TSC22D3: variants seen among roughly 807,000 people sequenced by gnomAD.
TSC22D3 encodes TSC22 domain family protein 3.
In TSC22D3, 4 loss-of-function variants were observed where a neutral mutation model predicts 11.1. The observed-to-expected ratio is 0.36, with a 90% CI of 0.18 to 0.83. TSC22D3 has a LOEUF of 0.83. Ranked by LOEUF, TSC22D3 falls within the 40% of genes least tolerant of loss-of-function variation. The probability of loss-of-function intolerance (pLI) is 0.48; values close to 1 mark genes in which losing one functional copy is unlikely to be tolerated. For missense variants in TSC22D3, 118 were observed against 159.4 expected (o/e 0.74, Z 1.40); for synonymous variants, 77 against 70.3 (o/e 1.10, Z -0.48).
intron 1 of TSC22D3, among the ~76,000 whole-genome samples, chrX:107,766,336 C>T (rs976161047): frequency 6.3e-5 from 7 of 111,366 alleles, no homozygotes; most frequent in African/African-American, 2.3e-4. Flanking sequence ...AACCTGGGGA[C>T]TTTGAGACTT....
chrX:107,734,878 T>TGTAAAAAA (rs1195476415), intron 1 of TSC22D3, among the ~76,000 whole-genome samples: 3 of 37,278 alleles, frequency 8.0e-5, no homozygotes, highest in African/African-American at 4.2e-4. Flanking sequence ...CAACTCTACG[T>TGTAAAAAA]AAAAAAAAAA....
chrX:107,770,404 T>C (rs1346414037), intron 1 of TSC22D3, among the ~76,000 whole-genome samples: 1 of 112,132 alleles, frequency 8.9e-6, no homozygotes, highest in Non-Finnish European at 1.9e-5. Context: ...CAAATAATTT[T>C]TTGCACAAAT....
intron 1 of TSC22D3, among the ~76,000 whole-genome samples, chrX:107,745,371 C>T (rs934412521): frequency 3.6e-5 from 4 of 112,337 alleles, no homozygotes; most frequent in Non-Finnish European, 7.5e-5. Context: ...AAGAGAGTTA[C>T]TGATAGGAAA....
chrX:107,766,227 GCAATACTGACTT>G (rs954056203), intron 1 of TSC22D3, among the ~76,000 whole-genome samples: 9 of 111,873 alleles, frequency 8.0e-5, no homozygotes, highest in African/African-American at 2.9e-4. Context: ...ATAGAATCTG[GCAATACTGACTT>G]CACTGGGGGC....
intron 1 of TSC22D3, among the ~76,000 whole-genome samples, chrX:107,717,570 G>T (rs1163341131): frequency 8.9e-6 from 1 of 112,430 alleles, no homozygotes; most frequent in Non-Finnish European, 1.9e-5. Flanking sequence ...CTGGCCTGCC[G>T]ACCTGCCCTG....
intron 1 of TSC22D3, among the ~76,000 whole-genome samples, chrX:107,726,259 CTTATTTTATT>C (rs369647588): frequency 2.7e-5 from 3 of 111,995 alleles, no homozygotes; most frequent in East Asian, 5.6e-4. Flanking sequence ...GTCTTTTGGC[CTTATTTTATT>C]TTATTTTATT....
chrX:107,774,248 C>A (rs1336566261), intron 1 of TSC22D3, among the ~76,000 whole-genome samples: 2 of 111,923 alleles, frequency 1.8e-5, no homozygotes, highest in East Asian at 5.6e-4. Flanking sequence ...CTCAGTTGTT[C>A]CCAGAGACTG....
intron 1 of TSC22D3, among the ~76,000 whole-genome samples, chrX:107,722,699 C>G (rs1372830963): frequency 9.0e-6 from 1 of 111,214 alleles, no homozygotes; most frequent in Non-Finnish European, 1.9e-5. Flanking sequence ...CCAAGCCCTC[C>G]TCTTATTTTC....
chrX:107,775,044 C>CA, intron 1 of TSC22D3, 56 bp downstream of exon 1: 1 of 1,160,875 alleles, frequency 8.6e-7, no homozygotes, highest in Non-Finnish European at 1.2e-6. Context: ...GATGAGGGTG[C>CA]AGCAGAGGCT....
At chrX:107,758,394 G>A (rs1046239259) in intron 1 of TSC22D3, among the ~76,000 whole-genome samples, 9 of 112,016 alleles carry the variant, frequency 8.0e-5, no homozygotes, top group Non-Finnish European at 1.5e-4. Context: ...ATGTAATCCA[G>A]AGAGGGATGA....
chrX:107,726,816 C>T (rs1927651722), intron 1 of TSC22D3, among the ~76,000 whole-genome samples: 1 of 111,292 alleles, frequency 9.0e-6, no homozygotes. Context: ...AAAGCTCATA[C>T]ACCTTAAAAA....
intron 1 of TSC22D3, among the ~76,000 whole-genome samples, chrX:107,747,740 C>T (rs1445581113): frequency 8.9e-6 from 1 of 112,824 alleles, no homozygotes; most frequent in African/African-American, 3.2e-5. Flanking sequence ...TGCCAGACAT[C>T]CAATTTTCTG....
At chrX:107,758,608 A>T (rs1187534269) in intron 1 of TSC22D3, among the ~76,000 whole-genome samples, 1 of 111,806 alleles carries the variant, frequency 8.9e-6, no homozygotes, top group Non-Finnish European at 1.9e-5. Flanking sequence ...GGAGGTTTTC[A>T]GAAAGAGGGC....
rs553673162 is a variant in TSC22D3 at position 107,751,721 on chromosome X, C to A, written c.320+23379G>T. ...GCTCTGCAGGCTAAACTGGGGACTT[C>A]ACCTAGACAAGATTTTCTCAGTTCC... On this transcript the variant is annotated intron_variant, in intron 1 of 2. Coordinates refer to ENST00000372383, the MANE Select transcript of TSC22D3 (RefSeq NM_198057.3). Among the ~76,000 whole-genome samples the A allele has an allele frequency of 6.2e-5, 7 of 112,181 alleles. No individual in the cohort carries two copies. The South Asian group carries it at 2.6e-3, about 42-fold the overall frequency.
At chrX:107,716,263 G>GC in intron 1 of TSC22D3, 8 of 925,288 alleles carry the variant, frequency 8.6e-6, no homozygotes, top group Non-Finnish European at 1.1e-5. Context: ...ATGGGGCTGT[G>GC]CGACCCGGGG....
At chrX:107,756,976 C>T (rs1929207278) in intron 1 of TSC22D3, among the ~76,000 whole-genome samples, 1 of 112,441 alleles carries the variant, frequency 8.9e-6, no homozygotes, top group Admixed American at 9.4e-5. Context: ...GGCCACTCCT[C>T]TCCTTCTAGA....
intron 1 of TSC22D3, among the ~76,000 whole-genome samples, chrX:107,760,063 G>A (rs778975445): frequency 8.8e-5 from 10 of 112,996 alleles, no homozygotes; most frequent in East Asian, 5.6e-4. Flanking sequence ...CGGATCCTCC[G>A]GGAGAGCCCA....
At chrX:107,725,504 G>T (rs146042998) in intron 1 of TSC22D3, among the ~76,000 whole-genome samples, 1 of 111,887 alleles carries the variant, frequency 8.9e-6, no homozygotes, top group African/African-American at 3.3e-5. Context: ...AGCCAAGAAA[G>T]GGTCTATCTG....
chrX:107,763,721 A>G (rs1929544433), intron 1 of TSC22D3, among the ~76,000 whole-genome samples: 1 of 112,220 alleles, frequency 8.9e-6, no homozygotes, highest in Non-Finnish European at 1.9e-5. Context: ...TTTACAGTAA[A>G]TAATTTACAA....
Sources: allele counts gnomAD v4.1 joint callset (sites outside exome capture counted in the v4.1 genomes callset), GRCh38; gene constraint gnomAD v4.1.1; transcripts MANE v1.5; gene names NCBI Gene and HGNC (gene_info 2026-07-23, HGNC 2026-07-21).